MLLT10: variants seen among roughly 807,000 people sequenced by gnomAD.
The protein encoded by MLLT10 is protein AF-10.
Under a neutral mutation model 129.1 loss-of-function variants are expected in MLLT10, and 30 were observed. The ratio of observed to expected loss-of-function variants is 0.23; its 90% CI spans 0.17 to 0.32. MLLT10 has a LOEUF of 0.32. Ranked by LOEUF, MLLT10 falls within the 10% of genes least tolerant of loss-of-function variation. The pLI is 1.00. For synonymous variants in MLLT10, 490 were observed against 446.4 expected (o/e 1.10, Z -1.23); for missense variants, 1,119 against 1,268.3 (o/e 0.88, Z 1.79).
At chr10:21,558,554 T>G (rs2130987732) in intron 3 of MLLT10, among the ~76,000 whole-genome samples, 1 of 152,042 alleles carries the variant, frequency 6.6e-6, no homozygotes, top group Non-Finnish European at 1.5e-5. Flanking sequence ...TTTTTTTAAT[T>G]TTTAATTAAA....
chr10:21,535,205 C>T (rs1334026230), intron 2 of MLLT10, among the ~76,000 whole-genome samples: 1 of 152,012 alleles, frequency 6.6e-6, no homozygotes, highest in Non-Finnish European at 1.5e-5. Context: ...GAGTGGAGCG[C>T]CCTCTTCTCC....
rs41330846 is a variant in MLLT10 at position 21,625,756 on chromosome 10, T to C, written c.699+8549T>C. The C allele has an allele frequency of 0.014, 10,974 of 768,478 alleles. 770 individuals are homozygous for C. In the African/African-American group the frequency reaches 0.16, roughly 11 times the overall value. 47.6% of individuals were successfully genotyped at this position (768,478 alleles called of 1,614,324 possible). ...TCCATGTTGTTTACCAGGGCGAATT[T>C]CATAGCTGTCACAGTTTCACAGCTT... On this transcript the variant is annotated intron_variant, in intron 8 of 22. Coordinates refer to ENST00000307729, the MANE Select transcript of MLLT10 (RefSeq NM_001195626.3).
Position 21,670,551 on chromosome 10 carries a change from C to T in MLLT10, c.898C>T (p.His300Tyr), listed in dbSNP as rs111839320. The stretch of plus-strand genomic sequence containing the variant: ...TGCAAATTTCCAGGAAGTCTCTGCA[C>T]ACACCTCTAGTGGAAAAGATGTTTC... ...TNANFQEVSAHTSSGKDVSET... is the reference protein window; with the variant it reads ...TNANFQEVSAYTSSGKDVSET... Residue 300 changes from histidine to tyrosine, a missense_variant, in exon 10 of 23, where the codon CAC becomes TAC. By Grantham distance (83) the His-to-Tyr change is moderately conservative (BLOSUM62 2). Transcript: ENST00000307729. 46 of 1,614,042 alleles carry T rather than the reference C, an allele frequency of 2.8e-5. No individual in the cohort carries two copies. Among genetic ancestry groups the T allele is most frequent in the Non-Finnish European group, 3.8e-5 (45 of 1,180,040 alleles).
chr10:21,663,878 C>T (rs1365679890), intron 9 of MLLT10, among the ~76,000 whole-genome samples: 1 of 152,068 alleles, frequency 6.6e-6, no homozygotes, highest in African/African-American at 2.4e-5. Context: ...GCAGTTTGCC[C>T]TGTGACCTCT....
chr10:21,559,556 C>T (rs1447073086), intron 3 of MLLT10, among the ~76,000 whole-genome samples: 4 of 152,208 alleles, frequency 2.6e-5, no homozygotes, highest in African/African-American at 9.7e-5. Flanking sequence ...TTATAACCGT[C>T]AGCAGTATAT....
chr10:21,534,245 GA>G lies in MLLT10; in HGVS notation c.-275del. On this transcript the variant is annotated 5_prime_UTR_variant, in exon 1 of 23. Coordinates refer to ENST00000307729, the MANE Select transcript of MLLT10 (RefSeq NM_001195626.3). ...CGCAGGACGGGCGCGCACGCCAAGT[GA>G]CGCTCCGAGGAGGAAGCGCAGCCCC... 1 of 397,548 alleles carries G rather than the reference GA, an allele frequency of 2.5e-6. No individual in the cohort carries two copies. Among genetic ancestry groups the G allele is most frequent in the Non-Finnish European group, 4.4e-6 (1 of 225,672 alleles). 24.6% of individuals were successfully genotyped at this position (397,548 alleles called of 1,614,324 possible). A position where few individuals can be genotyped will look rare whatever the true frequency, so the allele number is the denominator to read the frequency against.
Position 21,676,675 on chromosome 10 carries a change from C to T in MLLT10, c.1621+2756C>T, listed in dbSNP as rs374650821. Among the ~76,000 whole-genome samples, 20 of 123,302 alleles carry T rather than the reference C, an allele frequency of 1.6e-4. No individual in the cohort carries two copies. The East Asian group carries it at 3.8e-3, about 24-fold the overall frequency. 80.9% of individuals were successfully genotyped at this position (123,302 alleles called of 152,430 possible). On this transcript the variant is annotated intron_variant, in intron 11 of 22. Coordinates refer to ENST00000307729, the MANE Select transcript of MLLT10 (RefSeq NM_001195626.3). ...GGCAGAGGTTGCAGTGAGCCGAGATCGGGCCACTGCACTCCAGCCTGGGAG... is the reference window on the plus strand; with the variant it reads ...GGCAGAGGTTGCAGTGAGCCGAGATTGGGCCACTGCACTCCAGCCTGGGAG...
intron 4 of MLLT10, among the ~76,000 whole-genome samples, chr10:21,591,368 C>T (rs2042486011): frequency 1.3e-5 from 2 of 152,184 alleles, no homozygotes; most frequent in South Asian, 4.1e-4. Context: ...TGTTGCCATT[C>T]CGTTCAAGAC....
At chr10:21,622,771 C>G (rs939935562) in intron 8 of MLLT10, among the ~76,000 whole-genome samples, 1 of 152,068 alleles carries the variant, frequency 6.6e-6, no homozygotes, top group African/African-American at 2.4e-5. Context: ...AGTGGGTATC[C>G]TACAATTCAG....
intron 14 of MLLT10, among the ~76,000 whole-genome samples, chr10:21,717,737 T>C (rs867337182): frequency 0.012 from 232 of 18,936 alleles, no homozygotes; most frequent in Middle Eastern, 0.026. Flanking sequence ...CCTCCTCCTC[T>C]TCCTCCTCCT....
intron 20 of MLLT10, among the ~76,000 whole-genome samples, chr10:21,734,439 G>A (rs751389502): frequency 1.1e-4 from 17 of 152,202 alleles, no homozygotes; most frequent in African/African-American, 2.4e-4. Context: ...GAAAGATATC[G>A]TAGTGGAGAT....
intron 11 of MLLT10, among the ~76,000 whole-genome samples, chr10:21,677,761 G>A (rs1191901801): frequency 1.3e-5 from 2 of 152,152 alleles, no homozygotes; most frequent in Non-Finnish European, 2.9e-5. Context: ...TTTTCATGAT[G>A]CTGTTTTTAA....
chr10:21,740,189 A>T lies in MLLT10; in HGVS notation c.3115A>T (p.Asn1039Tyr), dbSNP rs753153368. 2 of 1,614,170 alleles carry T rather than the reference A, an allele frequency of 1.2e-6. No individual in the cohort carries two copies. The highest frequency in any genetic ancestry group is 1.7e-6 in the Non-Finnish European group (2 of 1,180,038). ...QAPPLHTATT[N>Y]PFLTIHGDNA... Reference sequence around the variant, plus strand: ...ACCCCCACTTCACACAGCTACCACCAACCCATTTCTCACCATCCATGGAGA... The same window carrying T: ...ACCCCCACTTCACACAGCTACCACCTACCCATTTCTCACCATCCATGGAGA... Residue 1039 changes from asparagine (N) to tyrosine (Y), a missense_variant, in exon 22 of 23, where the codon AAC (asparagine) becomes TAC (tyrosine). Physicochemically the swap from Asn to Tyr is moderately radical, Grantham distance 143. Transcript: ENST00000307729.
Position 21,595,642 on chromosome 10 carries a change from C to T in MLLT10, c.405+202C>T, listed in dbSNP as rs115572819. 1,776 of 451,966 alleles carry T rather than the reference C, an allele frequency of 3.9e-3. 21 individuals carry two copies. Among genetic ancestry groups the T allele is most frequent in the African/African-American group, 0.03 (1,563 of 51,580 alleles). 28.0% of individuals were successfully genotyped at this position (451,966 alleles called of 1,614,324 possible). ...TACAAAGCAAGCAAAACTGTGTTACCTTTTATAGTAACCTAGGTATTTAGT... is the reference window on the plus strand; with the variant it reads ...TACAAAGCAAGCAAAACTGTGTTACTTTTTATAGTAACCTAGGTATTTAGT... On this transcript the variant is annotated intron_variant, in intron 5 of 22. Transcript: ENST00000307729.
chr10:21,577,671 A>G (rs373850461), intron 3 of MLLT10, among the ~76,000 whole-genome samples: 8 of 151,926 alleles, frequency 5.3e-5, no homozygotes, highest in East Asian at 1.9e-4. Context: ...GGGTTTCACT[A>G]TATTGGCTAG....
At chr10:21,653,531 TCTC>T (rs1241956505) in intron 9 of MLLT10, among the ~76,000 whole-genome samples, 1 of 152,218 alleles carries the variant, frequency 6.6e-6, no homozygotes, top group Non-Finnish European at 1.5e-5. Context: ...GAGAAAGTTC[TCTC>T]TTTAAGCTCA....
intron 8 of MLLT10, among the ~76,000 whole-genome samples, chr10:21,635,748 T>C (rs545043345): frequency 7.9e-5 from 12 of 151,064 alleles, no homozygotes; most frequent in African/African-American, 2.9e-4. Flanking sequence ...TTTTTTGAGA[T>C]GTAGTTTCAC....
At chr10:21,608,093 G>A (rs2044243757) in intron 5 of MLLT10, among the ~76,000 whole-genome samples, 1 of 150,150 alleles carries the variant, frequency 6.7e-6, no homozygotes, top group Non-Finnish European at 1.5e-5. Context: ...TGGATCTCAG[G>A]TGTTAATTTT....
chr10:21,670,526 T>C lies in MLLT10; in HGVS notation c.873T>C (p.Asn291=), dbSNP rs768519234. 43 of 1,614,018 alleles carry C rather than the reference T, an allele frequency of 2.7e-5. No individual in the cohort carries two copies. The highest frequency in any genetic ancestry group is 3.5e-5 in the Non-Finnish European group (41 of 1,180,038). Residue 291 remains asparagine (N), a synonymous_variant, in exon 10 of 23, where the codon AAT becomes AAC. Transcript: ENST00000307729. ...RLEDTTARFT[N]ANFQEVSAHT... is the part of the protein sequence containing the mutation. ...AAGATACTACTGCACGATTTACAAA[T>C]GCAAATTTCCAGGAAGTCTCTGCAC...
Sources: gnomAD v4.1 joint callset for allele counts (sites outside exome capture counted in the v4.1 genomes callset) on GRCh38, gnomAD v4.1.1 for gene constraint, MANE v1.5 for transcripts, NCBI Gene and HGNC (gene_info 2026-07-23, HGNC 2026-07-21) for gene names.